The following PLBD1 variants were observed in gnomAD, a reference collection of about 807,000 sequenced individuals.
PLBD1 encodes the protein lysosomal leucine aminopeptidase.
Under a neutral mutation model 63.0 loss-of-function variants are expected in PLBD1, and 60 were observed. The ratio of observed to expected loss-of-function variants is 0.95; its 90% confidence interval spans 0.77 to 1.18. The LOEUF is 1.18. PLBD1 is among the 50% of genes most tolerant of loss of function. The pLI, the probability that PLBD1 is intolerant of heterozygous loss-of-function variation, is 0.00. For synonymous variants in PLBD1, 262 were observed against 248.0 expected (o/e 1.06, Z -0.53); for missense variants, 598 against 677.9 (o/e 0.88, Z 1.31).
rs758984733 is a variant in PLBD1 at position 14,536,666 on chromosome 12, A to G, written c.603T>C (p.Asp201=). ...FQIQFLNSVG[D]LLDLIPSLSP... The stretch of plus-strand genomic sequence containing the variant: ...AGAGTGAGGGAATCAGATCCAATAG[A>G]TCTCCAACACTATTCAGGAACTGAA... Residue 201 remains aspartate, a synonymous_variant, in exon 5 of 11, where the codon GAT becomes GAC. Coordinates refer to ENST00000240617, the MANE Select transcript of PLBD1 (RefSeq NM_024829.6). 17 of 1,613,986 alleles carry G rather than the reference A, an allele frequency of 1.1e-5. No individual in the cohort carries two copies. The Middle Eastern group carries it at 4.9e-4, about 47-fold the overall frequency.
chr12:14,553,605 C>A (rs1186745858), intron 1 of PLBD1, 193 bp from the exon 2 acceptor site: 2 of 608,806 alleles, frequency 3.3e-6, no homozygotes, highest in African/African-American at 1.9e-5. Flanking sequence ...GGGGGATAAG[C>A]CCAAAACACA....
chr12:14,534,124 G>A (rs1261927316), intron 6 of PLBD1, among the ~76,000 whole-genome samples: 1 of 152,196 alleles, frequency 6.6e-6, no homozygotes, highest in African/African-American at 2.4e-5. Context: ...CTCCAGCCTG[G>A]GGCGATAGGG....
At chr12:14,539,638 T>C (rs1194590792) in intron 4 of PLBD1, among the ~76,000 whole-genome samples, 1 of 151,400 alleles carries the variant, frequency 6.6e-6, no homozygotes, top group Non-Finnish European at 1.5e-5. Context: ...ATACAAAAAT[T>C]AGTTGGGTGT....
At chr12:14,548,607 A>T (rs1945634367) in intron 2 of PLBD1, among the ~76,000 whole-genome samples, 1 of 152,152 alleles carries the variant, frequency 6.6e-6, no homozygotes, top group Non-Finnish European at 1.5e-5. Context: ...CCAAGCACAA[A>T]GGAGGTCCCA....
At chr12:14,560,187 T>A (rs953418161) in intron 1 of PLBD1, among the ~76,000 whole-genome samples, 1 of 152,150 alleles carries the variant, frequency 6.6e-6, no homozygotes, top group Non-Finnish European at 1.5e-5. Flanking sequence ...GAGTTCATTG[T>A]TTTCAGTTGA....
chr12:14,507,203 T>C (rs1945263654), intron 8 of PLBD1, 85 bp from the exon 9 acceptor site: 5 of 1,063,044 alleles, frequency 4.7e-6, no homozygotes, highest in Admixed American at 4.6e-5. Context: ...ATGTTATCCA[T>C]GTTCATTTAT....
chr12:14,560,106 T>C (rs1945734698), intron 1 of PLBD1, among the ~76,000 whole-genome samples: 1 of 152,214 alleles, frequency 6.6e-6, no homozygotes, highest in Admixed American at 6.5e-5. Context: ...GTGATTTGCC[T>C]GCCTTGGCCT....
chr12:14,528,189 G>A (rs1945431432), intron 6 of PLBD1, among the ~76,000 whole-genome samples: 1 of 152,082 alleles, frequency 6.6e-6, no homozygotes. Context: ...TAGAAAATCA[G>A]TTAAGAGTAT....
intron 1 of PLBD1, among the ~76,000 whole-genome samples, chr12:14,559,662 T>G (rs188568599): frequency 6.6e-6 from 1 of 152,148 alleles, no homozygotes; most frequent in African/African-American, 2.4e-5. Context: ...TTAACAGCAA[T>G]ATCCTCAAAA....
At chr12:14,558,899 AT>A (rs200105838) in intron 1 of PLBD1, among the ~76,000 whole-genome samples, 2,040 of 152,260 alleles carry the variant, frequency 0.013, 25 homozygotes, top group Non-Finnish European at 0.019. Flanking sequence ...TCCCCAAGAG[AT>A]TTTGGTGAGA....
At chr12:14,554,168 G>A (rs1208551515) in intron 1 of PLBD1, 1 of 152,166 alleles carries the variant, frequency 6.6e-6, no homozygotes, top group Non-Finnish European at 1.5e-5. Flanking sequence ...GACTCCGTAT[G>A]GTGTTGATAA....
intron 4 of PLBD1, among the ~76,000 whole-genome samples, chr12:14,539,646 T>G (rs914455325): frequency 1.3e-5 from 2 of 151,244 alleles, no homozygotes; most frequent in African/African-American, 4.9e-5. Context: ...ATTAGTTGGG[T>G]GTGGTGGCTC....
At chr12:14,519,542 C>T (rs1022363979) in intron 6 of PLBD1, among the ~76,000 whole-genome samples, 1 of 151,450 alleles carries the variant, frequency 6.6e-6, no homozygotes, top group Non-Finnish European at 1.5e-5. Context: ...TCACATGAAC[C>T]TGGGAGGCAG....
chr12:14,509,010 C>T (rs1014283168), intron 8 of PLBD1, among the ~76,000 whole-genome samples: 2 of 151,622 alleles, frequency 1.3e-5, no homozygotes, highest in East Asian at 2.0e-4. Context: ...CCGACGCCCC[C>T]GCCTTTTTAA....
At chr12:14,505,114 T>C (rs1591991975) in intron 10 of PLBD1, among the ~76,000 whole-genome samples, 1 of 81,534 alleles carries the variant, frequency 1.2e-5, no homozygotes, top group East Asian at 3.6e-4. Flanking sequence ...ACCTTTTTTT[T>C]TTTTTTTTTT....
intron 8 of PLBD1, among the ~76,000 whole-genome samples, 172 bp downstream of exon 8, chr12:14,511,088 T>C (rs925394120): frequency 6.6e-6 from 1 of 152,230 alleles, no homozygotes. Context: ...GTTTGAGATG[T>C]AGGTTTACAT....
intron 1 of PLBD1, among the ~76,000 whole-genome samples, chr12:14,555,632 C>T (rs1373591798): frequency 6.6e-6 from 1 of 152,172 alleles, no homozygotes; most frequent in African/African-American, 2.4e-5. Flanking sequence ...CCTCATCACC[C>T]ACACGCACAT....
At chr12:14,543,107 T>A (rs1423115102) in intron 2 of PLBD1, among the ~76,000 whole-genome samples, 1 of 152,228 alleles carries the variant, frequency 6.6e-6, no homozygotes. Flanking sequence ...TTCTTGGATT[T>A]ATCTCTATAA....
Position 14,567,841 on chromosome 12 carries a change from C to T in PLBD1, c.-145G>A, listed in dbSNP as rs1037552433. On this transcript the variant is annotated 5_prime_UTR_variant, in exon 1 of 11. Coordinates refer to ENST00000240617, the MANE Select transcript of PLBD1 (RefSeq NM_024829.6). ...CCTCAACTTTCCTCTTTCTTGAGCC[C>T]GGCCTGCTCCGGGCTCTGAGGGGCG... 4 of 1,150,560 alleles carry T rather than the reference C, an allele frequency of 3.5e-6. No homozygotes were observed. The highest frequency in any genetic ancestry group is 1.6e-5 in the African/African-American group (1 of 61,098). 71.3% of individuals were successfully genotyped at this position (1,150,560 alleles called of 1,614,324 possible). A position where few individuals can be genotyped will look rare whatever the true frequency, so the allele number is the denominator to read the frequency against.
Sources: allele counts gnomAD v4.1 joint callset (sites outside exome capture counted in the v4.1 genomes callset), GRCh38; gene constraint gnomAD v4.1.1; transcripts MANE v1.5; gene names NCBI Gene and HGNC (gene_info 2026-07-23, HGNC 2026-07-21).